The following ERAP1 variants were observed in gnomAD, a reference collection of about 807,000 sequenced individuals.
ERAP1 encodes adipocyte-derived leucine aminopeptidase.
ERAP1 carries 86 observed loss-of-function variants against 103.7 expected under a neutral mutation model. That is an observed-to-expected ratio of 0.83 (90% confidence interval 0.70 to 0.99). The LOEUF (loss-of-function observed/expected upper bound fraction) is 0.99. Ranked by LOEUF, ERAP1 falls within the 50% of genes least tolerant of loss-of-function variation. The pLI, the probability that ERAP1 is intolerant of heterozygous loss-of-function variation, is 0.00. For synonymous variants in ERAP1, 398 were observed against 402.4 expected (o/e 0.99, Z 0.13); for missense variants, 1,009 against 1,128.4 (o/e 0.89, Z 1.52).
chr5:96,782,000 C>A (rs1280159562), intron 15 of ERAP1, 146 bp from the exon 16 acceptor site: 6 of 744,214 alleles, frequency 8.1e-6, no homozygotes, highest in African/African-American at 5.7e-5. Flanking sequence ...TGATTTCCTT[C>A]AGTTACAATT....
intron 4 of ERAP1, among the ~76,000 whole-genome samples, chr5:96,796,152 A>C (rs576716973): frequency 5.9e-5 from 9 of 152,184 alleles, no homozygotes; most frequent in Non-Finnish European, 8.8e-5. Context: ...AGAATAAGAA[A>C]TCTCAGCACT....
At chr5:96,886,807 C>T in the ERAP1 span, 40 of 1,436,388 alleles carry the variant, frequency 2.8e-5, no homozygotes, top group South Asian at 9.8e-5. Context: ...TGAGTTCTAA[C>T]GTTCTACGCA....
chr5:96,925,911 C>CTTTTTTTTTTTTTT, the ERAP1 span, among the ~76,000 whole-genome samples: 2 of 105,672 alleles, frequency 1.9e-5, no homozygotes, highest in Non-Finnish European at 1.9e-5. Context: ...GTATAATTTG[C>CTTTTTTTTTTTTTT]TTTTTTTTTT....
intron 19 of ERAP1, chr5:96,769,425 AAAGCCAG>A (rs1462297728): frequency 3.3e-5 from 5 of 151,390 alleles, no homozygotes; most frequent in African/African-American, 1.2e-4. Context: ...TTGGTACACA[AAAGCCAG>A]TCCTGATCGA....
the ERAP1 span, among the ~76,000 whole-genome samples, chr5:96,877,077 C>T: frequency 0.52 from 79,515 of 152,024 alleles, 20,979 homozygotes; most frequent in South Asian, 0.61. Context: ...CTGGTTCAAG[C>T]GATTCTCGTG....
the ERAP1 span, among the ~76,000 whole-genome samples, chr5:96,923,447 C>A: frequency 6.6e-6 from 1 of 152,254 alleles, no homozygotes; most frequent in East Asian, 1.9e-4. Flanking sequence ...GTAATCTCAG[C>A]ACTTTGGGAG....
At chr5:96,933,610 C>G in the ERAP1 span, among the ~76,000 whole-genome samples, 3 of 152,106 alleles carry the variant, frequency 2.0e-5, no homozygotes, top group East Asian at 5.8e-4. Context: ...TAAAACAAAA[C>G]ACAAGGTAAC....
chr5:96,860,012 A>C, the ERAP1 span, among the ~76,000 whole-genome samples: 1 of 152,108 alleles, frequency 6.6e-6, no homozygotes, highest in African/African-American at 2.4e-5. Context: ...ATTGAGATAA[A>C]GTACAGCCCA....
the ERAP1 span, among the ~76,000 whole-genome samples, chr5:96,910,798 GATTA>G: frequency 1.3e-5 from 2 of 152,142 alleles, no homozygotes; most frequent in Non-Finnish European, 2.9e-5. Context: ...TCTTTACATA[GATTA>G]ATTGATTACT....
chr5:96,886,547 G>GTC, the ERAP1 span: 3 of 931,034 alleles, frequency 3.2e-6, no homozygotes, highest in Non-Finnish European at 4.4e-6. Flanking sequence ...GTCATCGATT[G>GTC]TCCTTCAGAG....
At chr5:96,863,848 A>T in the ERAP1 span, among the ~76,000 whole-genome samples, 10 of 75,004 alleles carry the variant, frequency 1.3e-4, no homozygotes, top group Admixed American at 6.6e-4. Context: ...AATCTTATTT[A>T]AAAAAAAATC....
intron 11 of ERAP1, among the ~76,000 whole-genome samples, chr5:96,788,208 A>G (rs1427952510): frequency 6.6e-6 from 1 of 152,194 alleles, no homozygotes. Flanking sequence ...AATGCTAGGC[A>G]CTATTGTAAT....
chr5:96,870,492 T>C, the ERAP1 span, among the ~76,000 whole-genome samples: 1 of 152,180 alleles, frequency 6.6e-6, no homozygotes, highest in Non-Finnish European at 1.5e-5. Flanking sequence ...CCCACTTTCT[T>C]AGAACATTTA....
intron 11 of ERAP1, among the ~76,000 whole-genome samples, chr5:96,787,518 G>A (rs1487517761): frequency 2.6e-5 from 4 of 152,032 alleles, no homozygotes; most frequent in African/African-American, 7.3e-5. Context: ...CTCCTGCCTC[G>A]GCTTCCCAAA....
chr5:96,800,355 A>G (rs1372724354), intron 3 of ERAP1, among the ~76,000 whole-genome samples: 1 of 152,238 alleles, frequency 6.6e-6, no homozygotes, highest in Non-Finnish European at 1.5e-5. Context: ...CTTCAGCACC[A>G]TAATATTTGG....
At chr5:96,933,834 G>A in the ERAP1 span, among the ~76,000 whole-genome samples, 2 of 152,240 alleles carry the variant, frequency 1.3e-5, no homozygotes, top group South Asian at 4.1e-4. Context: ...CTAGCTCTGC[G>A]TGTACTATAT....
the ERAP1 span, among the ~76,000 whole-genome samples, chr5:96,821,949 G>A: frequency 1.2e-4 from 19 of 152,198 alleles, no homozygotes; most frequent in Non-Finnish European, 7.3e-5. Flanking sequence ...ATCTTTGCTG[G>A]TGTGGGTATA....
chr5:96,887,711 T>C, the ERAP1 span, among the ~76,000 whole-genome samples: 5 of 152,252 alleles, frequency 3.3e-5, no homozygotes, highest in African/African-American at 7.2e-5. Context: ...ATTATCTTTG[T>C]AGTTAAATAT....
At chr5:96,869,106 AGAG>A in the ERAP1 span, among the ~76,000 whole-genome samples, 1 of 151,458 alleles carries the variant, frequency 6.6e-6, no homozygotes, top group African/African-American at 2.4e-5. Context: ...TCTTCGCTCA[AGAG>A]AACTTGTTGG....
Sources: gnomAD v4.1 joint callset for allele counts (sites outside exome capture counted in the v4.1 genomes callset) on GRCh38, gnomAD v4.1.1 for gene constraint, MANE v1.5 for transcripts, NCBI Gene and HGNC (gene_info 2026-07-23, HGNC 2026-07-21) for gene names.